The following SGCZ variants were observed in gnomAD, a reference collection of about 807,000 sequenced individuals.
SGCZ encodes sarcoglycan zeta.
Under a neutral mutation model 41.3 loss-of-function variants are expected in SGCZ, and 40 were observed. The observed-to-expected ratio is 0.97, with a 90% confidence interval of 0.75 to 1.26. The LOEUF (loss-of-function observed/expected upper bound fraction) is 1.26. SGCZ is among the 50% of genes most tolerant of loss of function. SGCZ has a pLI of 0.00. For missense variants in SGCZ, 552 were observed against 369.8 expected (o/e 1.49, Z -4.04); for synonymous variants, 206 against 137.5 (o/e 1.50, Z -3.49).
intron 3 of SGCZ, among the ~76,000 whole-genome samples, chr8:14,323,134 T>C (rs1366973880): frequency 1.3e-5 from 2 of 152,070 alleles, no homozygotes; most frequent in Non-Finnish European, 2.9e-5. Context: ...AAAAAAGAAA[T>C]TTAAAGTTAA....
intron 1 of SGCZ, among the ~76,000 whole-genome samples, chr8:14,721,656 G>T (rs1410145927): frequency 6.6e-6 from 1 of 152,120 alleles, no homozygotes; most frequent in East Asian, 1.9e-4. Context: ...TTTATAATTT[G>T]TCACCCTATT....
chr8:14,810,881 C>T (rs1801718480), intron 1 of SGCZ, among the ~76,000 whole-genome samples: 1 of 152,008 alleles, frequency 6.6e-6, no homozygotes, highest in Non-Finnish European at 1.5e-5. Context: ...GTATTTTGTG[C>T]ATAACATAGA....
chr8:14,529,715 T>G (rs189030560), intron 2 of SGCZ, among the ~76,000 whole-genome samples: 1 of 152,088 alleles, frequency 6.6e-6, no homozygotes, highest in Non-Finnish European at 1.5e-5. Context: ...TCAGGACAAA[T>G]AGCACAATTT....
At chr8:14,760,552 C>G (rs370717421) in intron 1 of SGCZ, among the ~76,000 whole-genome samples, 4 of 152,046 alleles carry the variant, frequency 2.6e-5, no homozygotes, top group African/African-American at 9.7e-5. Context: ...ATGTAAAATA[C>G]GGCATGTAAC....
At position 14,146,883 on chromosome 8, in the gene SGCZ, A is replaced by T. The variant is rs7822858; in HGVS notation, c.547+17697T>A. On this transcript the variant is annotated intron_variant, in intron 5 of 7. Transcript: ENST00000382080. ...CGAGACTCCGTCTCAAAAAATAAAA[A>T]TAAAAAAAATAATAATAATAATAAC... Among the ~76,000 whole-genome samples the T allele has an allele frequency of 1.8e-4, 26 of 144,846 alleles. 2 individuals are homozygous for T. Among genetic ancestry groups the T allele is most frequent in the South Asian group, 4.3e-4 (2 of 4,662 alleles).
chr8:14,098,960 C>T (rs189842094), intron 7 of SGCZ, among the ~76,000 whole-genome samples: 42 of 152,208 alleles, frequency 2.8e-4, no homozygotes, highest in African/African-American at 8.4e-4. Context: ...AGATTGTATT[C>T]GGCTATATTA....
chr8:14,668,533 C>G (rs1807989182), intron 1 of SGCZ, among the ~76,000 whole-genome samples: 1 of 152,152 alleles, frequency 6.6e-6, no homozygotes, highest in East Asian at 1.9e-4. Flanking sequence ...GGAATTCACT[C>G]TTTGCTCTGT....
At chr8:15,226,341 A>C (rs1801772195) in intron 1 of SGCZ, among the ~76,000 whole-genome samples, 1 of 152,210 alleles carries the variant, frequency 6.6e-6, no homozygotes, top group African/African-American at 2.4e-5. Context: ...TCAGCTAAGG[A>C]GATTGTTAAG....
chr8:15,199,259 T>C (rs1800823138), intron 1 of SGCZ, among the ~76,000 whole-genome samples: 1 of 152,202 alleles, frequency 6.6e-6, no homozygotes, highest in Non-Finnish European at 1.5e-5. Context: ...GCATTGTTAA[T>C]CTTTTACAAG....
At position 14,309,350 on chromosome 8, in the gene SGCZ, G is replaced by A. The variant is rs1801451283; in HGVS notation, c.336+14753C>T. 1.9e-6 allele frequency: 3 copies of A among 1,603,672 alleles called. No individual in the cohort carries two copies. In the Admixed American group the frequency reaches 5.0e-5, roughly 27 times the overall value. On this transcript the variant is annotated intron_variant, in intron 3 of 7. Coordinates refer to ENST00000382080, the MANE Select transcript of SGCZ (RefSeq NM_139167.4). ...GGAAGATGAGAAAAACAAATGGGGAGGACGATGGCTAATTACATTGAACAG... is the reference window on the plus strand; with the variant it reads ...GGAAGATGAGAAAAACAAATGGGGAAGACGATGGCTAATTACATTGAACAG...
In SGCZ at chr8:14,796,601, G is replaced by A. The variant is rs185637725; in HGVS notation, c.40-241675C>T. On this transcript the variant is annotated intron_variant, in intron 1 of 7. Coordinates refer to ENST00000382080, the MANE Select transcript of SGCZ (RefSeq NM_139167.4). Reference sequence around the variant, plus strand: ...ACATGTACATTAGAAGAAATCATTCGGAATCTGGTACCTTAAACCACTCAG... The same window carrying A: ...ACATGTACATTAGAAGAAATCATTCAGAATCTGGTACCTTAAACCACTCAG... Among the ~76,000 whole-genome samples, 36 of 152,076 alleles carry A rather than the reference G, an allele frequency of 2.4e-4. 1 individual carries two copies. The East Asian group carries it at 4.4e-3, about 19-fold the overall frequency.
chr8:15,174,639 T>C (rs997788840), intron 1 of SGCZ, among the ~76,000 whole-genome samples: 22 of 152,294 alleles, frequency 1.4e-4, no homozygotes, highest in African/African-American at 4.6e-4. Flanking sequence ...GATTGTACCA[T>C]TTTACAACCC....
At chr8:14,535,079 A>G (rs1803253666) in intron 2 of SGCZ, among the ~76,000 whole-genome samples, 1 of 152,006 alleles carries the variant, frequency 6.6e-6, no homozygotes, top group African/African-American at 2.4e-5. Context: ...GCTTTTCTGC[A>G]TCTGTTTATG....
intron 1 of SGCZ, among the ~76,000 whole-genome samples, chr8:14,557,352 T>C (rs543032560): frequency 6.6e-6 from 1 of 152,140 alleles, no homozygotes; most frequent in African/African-American, 2.4e-5. Flanking sequence ...GTATAGATTG[T>C]GAAGATTTTC....
At chr8:14,868,095 T>G (rs1483572855) in intron 1 of SGCZ, among the ~76,000 whole-genome samples, 1 of 152,154 alleles carries the variant, frequency 6.6e-6, no homozygotes, top group Non-Finnish European at 1.5e-5. Flanking sequence ...TCTTTCACAC[T>G]TGTAAGCCTC....
chr8:14,587,651 C>T (rs1805104169), intron 1 of SGCZ, among the ~76,000 whole-genome samples: 2 of 152,164 alleles, frequency 1.3e-5, no homozygotes, highest in South Asian at 4.1e-4. Flanking sequence ...AGAATATATG[C>T]AGCCAATCTA....
At chr8:15,166,461 G>C (rs1799669894) in intron 1 of SGCZ, among the ~76,000 whole-genome samples, 1 of 152,048 alleles carries the variant, frequency 6.6e-6, no homozygotes, top group Admixed American at 6.6e-5. Context: ...TGTTAGCCAG[G>C]ATGGTCTCCA....
chr8:14,831,966 G>A (rs1489282855), intron 1 of SGCZ, among the ~76,000 whole-genome samples: 1 of 151,978 alleles, frequency 6.6e-6, no homozygotes, highest in Non-Finnish European at 1.5e-5. Flanking sequence ...TGTTTTAAAA[G>A]AATAGCTGTG....
chr8:14,431,040 T>C (rs1056156613), intron 2 of SGCZ, among the ~76,000 whole-genome samples: 12 of 152,110 alleles, frequency 7.9e-5, no homozygotes, highest in South Asian at 4.1e-4. Flanking sequence ...AAAGACATCA[T>C]AGATGTCACA....
Sources: allele counts gnomAD v4.1 joint callset (sites outside exome capture counted in the v4.1 genomes callset), GRCh38; gene constraint gnomAD v4.1.1; transcripts MANE v1.5; gene names NCBI Gene and HGNC (gene_info 2026-07-23, HGNC 2026-07-21).